SND1: variants seen among roughly 807,000 people sequenced by gnomAD.
SND1 encodes staphylococcal nuclease domain-containing protein 1.
In SND1, 38 loss-of-function variants were observed where a neutral mutation model predicts 121.7. The observed-to-expected ratio is 0.31, with a 90% CI of 0.24 to 0.41. SND1 has a LOEUF of 0.41. SND1 is among the 10% of genes least tolerant of loss of function. The pLI, the probability that SND1 is intolerant of heterozygous loss-of-function variation, is 1.00. For synonymous variants in SND1, 401 were observed against 447.4 expected, an observed-to-expected ratio of 0.90 and a Z score of 1.31; for missense variants, 868 against 1,184.6, an observed-to-expected ratio of 0.73 and a Z score of 3.92.
At position 127,669,999 on chromosome 7, in the gene SND1, A is replaced by AT. The variant is rs765413422; in HGVS notation, c.79-16599dup. ...TTATGTATTTATTTAACTAATTCTAATTTTTTTTTTTTTTTGAGACAGAGT... is the reference window on the plus strand; with the variant it reads ...TTATGTATTTATTTAACTAATTCTAATTTTTTTTTTTTTTTTGAGACAGAGT... On this transcript the variant is annotated intron_variant, in intron 1 of 23. Transcript: ENST00000354725. Among the ~76,000 whole-genome samples, 854 of 143,724 alleles carry AT rather than the reference A, an allele frequency of 5.9e-3. 3 individuals are homozygous for AT. Among genetic ancestry groups the AT allele is most frequent in the Non-Finnish European group, 7.3e-3 (476 of 65,108 alleles). The allele number at this position is 143,724 out of a possible 152,430, so 94.3% of individuals were successfully genotyped here.
chr7:127,711,944 A>AT (rs879398554), intron 9 of SND1, among the ~76,000 whole-genome samples: 367 of 142,908 alleles, frequency 2.6e-3, no homozygotes, highest in African/African-American at 6.4e-3. Context: ...TGCGAAATTG[A>AT]TTTTTTTTTT....
intron 1 of SND1, among the ~76,000 whole-genome samples, chr7:127,668,378 T>C (rs551541956): frequency 6.6e-6 from 1 of 152,314 alleles, no homozygotes; most frequent in African/African-American, 2.4e-5. Flanking sequence ...CCCTGCCGTA[T>C]GAACACCATA....
At chr7:127,722,529 TA>T (rs573207569) in intron 10 of SND1, among the ~76,000 whole-genome samples, 12 of 151,702 alleles carry the variant, frequency 7.9e-5, no homozygotes, top group South Asian at 2.1e-4. Flanking sequence ...AAGGATGGGA[TA>T]AAAAAAATCC....
intron 12 of SND1, among the ~76,000 whole-genome samples, chr7:127,850,905 C>T (rs527786727): frequency 6.6e-6 from 1 of 152,336 alleles, no homozygotes; most frequent in Admixed American, 6.5e-5. Flanking sequence ...CATTTTAAGA[C>T]ACTTGTCCCA....
chr7:128,080,521 G>A (rs992365048), intron 17 of SND1, among the ~76,000 whole-genome samples: 3 of 152,234 alleles, frequency 2.0e-5, no homozygotes, highest in African/African-American at 7.2e-5. Flanking sequence ...CCAGCCTAGG[G>A]CTGTGGCTTG....
intron 18 of SND1, among the ~76,000 whole-genome samples, chr7:128,084,054 C>G (rs1793649156): frequency 1.3e-5 from 2 of 152,148 alleles, no homozygotes; most frequent in African/African-American, 2.4e-5. Flanking sequence ...ACAGTACAGC[C>G]CCAGCCCAGC....
intron 15 of SND1, among the ~76,000 whole-genome samples, chr7:127,984,226 A>G (rs565616270): frequency 2.0e-5 from 3 of 152,262 alleles, no homozygotes; most frequent in Non-Finnish European, 4.4e-5. Context: ...GAAGCTAAAC[A>G]TTTCTGCTAT....
intron 9 of SND1, among the ~76,000 whole-genome samples, chr7:127,717,829 G>A (rs1447008398): frequency 6.6e-6 from 1 of 152,160 alleles, no homozygotes; most frequent in Admixed American, 6.5e-5. Context: ...TGAACAAAAA[G>A]GAAGCTTTTT....
In SND1 at chr7:127,992,121, T is replaced by A. The variant is rs533128071; in HGVS notation, c.1779+1065T>A. 2.6e-4 allele frequency among the ~76,000 whole-genome samples: 39 copies of A among 152,324 alleles called. 2 individuals carry two copies. The South Asian group carries it at 7.7e-3, about 30-fold the overall frequency. Reference sequence around the variant, plus strand: ...CAGCTACAACAATCTGGGTATCACATCTGCTTTGTTGGCTATCTGTACAAT... The same window carrying A: ...CAGCTACAACAATCTGGGTATCACAACTGCTTTGTTGGCTATCTGTACAAT... On this transcript the variant is annotated intron_variant, in intron 16 of 23. Coordinates refer to ENST00000354725, the MANE Select transcript of SND1 (RefSeq NM_014390.4).
intron 10 of SND1, among the ~76,000 whole-genome samples, chr7:127,727,642 G>C (rs530557458): frequency 1.5e-4 from 23 of 152,266 alleles, no homozygotes; most frequent in Admixed American, 5.9e-4. Context: ...GGACCTTGGA[G>C]AAAAGCAAAA....
At chr7:127,890,100 C>T (rs1259651820) in intron 13 of SND1, among the ~76,000 whole-genome samples, 1 of 152,046 alleles carries the variant, frequency 6.6e-6, no homozygotes, top group Non-Finnish European at 1.5e-5. Context: ...TGAAGATCCT[C>T]CAAACTTTTC....
At chr7:127,882,360 AAGGC>A (rs1463559441) in intron 12 of SND1, among the ~76,000 whole-genome samples, 1 of 137,378 alleles carries the variant, frequency 7.3e-6, no homozygotes, top group Non-Finnish European at 1.6e-5. Context: ...GAGGGGAAGG[AAGGC>A]AGGCAGGAAG....
At chr7:127,995,620 C>CT (rs1802629201) in intron 16 of SND1, among the ~76,000 whole-genome samples, 1 of 152,246 alleles carries the variant, frequency 6.6e-6, no homozygotes, top group Non-Finnish European at 1.5e-5. Flanking sequence ...CCAAGCCACC[C>CT]TTTCCTTTTT....
intron 10 of SND1, among the ~76,000 whole-genome samples, chr7:127,722,986 CCA>C (rs1796522468): frequency 6.6e-6 from 1 of 152,180 alleles, no homozygotes; most frequent in Admixed American, 6.5e-5. Context: ...TGGGAGTAGT[CCA>C]CAATTCTGCA....
At chr7:127,949,109 G>A (rs1801401212) in intron 15 of SND1, 1 of 152,170 alleles carries the variant, frequency 6.6e-6, no homozygotes, top group Non-Finnish European at 1.5e-5. Flanking sequence ...TGCATTCCCT[G>A]ACTCATTTTA....
chr7:127,879,165 A>G (rs1016616244), intron 12 of SND1, among the ~76,000 whole-genome samples: 2 of 152,114 alleles, frequency 1.3e-5, no homozygotes, highest in African/African-American at 2.4e-5. Flanking sequence ...CACATTGCCC[A>G]TTGTCTCTAG....
intron 10 of SND1, among the ~76,000 whole-genome samples, chr7:127,787,645 G>A (rs765567213): frequency 3.3e-5 from 5 of 152,128 alleles, no homozygotes; most frequent in Non-Finnish European, 4.4e-5. Flanking sequence ...TTTGCTCTTT[G>A]TTCCTTTTCC....
rs369354331 is a variant in SND1, at chr7:127,726,899, A to G, written c.1152+5499A>G. 2.5e-3 allele frequency among the ~76,000 whole-genome samples: 381 copies of G among 152,162 alleles called. 2 individuals are homozygous for G. The highest frequency in any genetic ancestry group is 8.8e-3 in the African/African-American group (365 of 41,514). On this transcript the variant is annotated intron_variant, in intron 10 of 23. Coordinates refer to ENST00000354725, the MANE Select transcript of SND1 (RefSeq NM_014390.4). ...CTTTTCTTAGCTGTCTGTCTCTCCCATTCTCTGTCTTTGTATCTGTTTCTC... is the reference window on the plus strand; with the variant it reads ...CTTTTCTTAGCTGTCTGTCTCTCCCGTTCTCTGTCTTTGTATCTGTTTCTC...
At chr7:127,908,106 C>T (rs1362321806) in intron 14 of SND1, among the ~76,000 whole-genome samples, 1 of 152,202 alleles carries the variant, frequency 6.6e-6, no homozygotes, top group Middle Eastern at 3.4e-3. Context: ...AGAACATCTG[C>T]ATATAACACC....
Sources: gnomAD v4.1 joint callset for allele counts (sites outside exome capture counted in the v4.1 genomes callset) on GRCh38, gnomAD v4.1.1 for gene constraint, MANE v1.5 for transcripts, NCBI Gene and HGNC (gene_info 2026-07-23, HGNC 2026-07-21) for gene names.